Variants in CSMD1 observed in about 807,000 individuals in gnomAD.
CSMD1 encodes CUB and Sushi multiple domains 1.
Under a neutral mutation model 417.5 loss-of-function variants are expected in CSMD1, and 213 were observed. The observed-to-expected ratio is 0.51, with a 90% CI of 0.46 to 0.57. The LOEUF (loss-of-function observed/expected upper bound fraction) is 0.57, where lower values mean the gene tolerates loss of function less well. CSMD1 is among the 20% of genes least tolerant of loss of function. The pLI, the probability that CSMD1 is intolerant of heterozygous loss-of-function variation, is 0.00. For synonymous variants in CSMD1, 2,862 were observed against 1,736.8 expected, an observed-to-expected ratio of 1.65 and a Z score of -16.11; for missense variants, 6,923 against 4,529.7, an observed-to-expected ratio of 1.53 and a Z score of -15.17.
At chr8:3,934,661 C>A (rs752827663) in intron 5 of CSMD1, among the ~76,000 whole-genome samples, 1 of 152,012 alleles carries the variant, frequency 6.6e-6, no homozygotes, top group African/African-American at 2.4e-5. Flanking sequence ...CGAGACCAGC[C>A]TGGCCAACAT....
chr8:4,513,785 G>T (rs1052651159), intron 2 of CSMD1, among the ~76,000 whole-genome samples: 1 of 152,176 alleles, frequency 6.6e-6, no homozygotes, highest in African/African-American at 2.4e-5. Flanking sequence ...TATTCCTTAT[G>T]TACAGCTGGG....
chr8:4,154,995 A>T (rs901858604), intron 3 of CSMD1, among the ~76,000 whole-genome samples: 2 of 152,178 alleles, frequency 1.3e-5, no homozygotes, highest in African/African-American at 4.8e-5. Context: ...CAGAAACACG[A>T]CTGCAAGTTT....
At chr8:3,424,066 G>C (rs1351489632) in intron 12 of CSMD1, among the ~76,000 whole-genome samples, 3 of 151,972 alleles carry the variant, frequency 2.0e-5, no homozygotes, top group African/African-American at 2.4e-5. Flanking sequence ...AAAATTATTT[G>C]TTTTATGTTC....
chr8:3,231,468 G>C (rs1246555309), intron 26 of CSMD1, among the ~76,000 whole-genome samples: 2 of 152,046 alleles, frequency 1.3e-5, no homozygotes. Context: ...TTTGCGTTTT[G>C]TTTTGTAAAT....
At chr8:2,982,916 C>T (rs1805547823) in intron 54 of CSMD1, among the ~76,000 whole-genome samples, 1 of 152,138 alleles carries the variant, frequency 6.6e-6, no homozygotes, top group South Asian at 2.1e-4. Flanking sequence ...TGGCTCTAAG[C>T]TGAAGGGCAG....
At chr8:4,660,114 C>CAAAA (rs33982434) in intron 1 of CSMD1, among the ~76,000 whole-genome samples, 3 of 122,852 alleles carry the variant, frequency 2.4e-5, no homozygotes, top group Admixed American at 8.1e-5. Context: ...TCAACCAGTG[C>CAAAA]AAAAAAAAAA....
chr8:4,089,667 G>C (rs1487733899), intron 3 of CSMD1, among the ~76,000 whole-genome samples: 2 of 152,178 alleles, frequency 1.3e-5, no homozygotes, highest in African/African-American at 4.8e-5. Flanking sequence ...AATGGGCTTA[G>C]TAAAGTGCTT....
chr8:4,610,842 G>C (rs909944096), intron 2 of CSMD1, among the ~76,000 whole-genome samples: 1 of 152,174 alleles, frequency 6.6e-6, no homozygotes, highest in Non-Finnish European at 1.5e-5. Flanking sequence ...ACAACTGCAT[G>C]TGTGGCGAAA....
At chr8:3,692,203 C>G (rs199588479) in intron 7 of CSMD1, among the ~76,000 whole-genome samples, 1 of 152,218 alleles carries the variant, frequency 6.6e-6, no homozygotes, top group East Asian at 1.9e-4. Flanking sequence ...TGTTATGCCC[C>G]ATACACCTCA....
intron 23 of CSMD1, among the ~76,000 whole-genome samples, chr8:3,327,893 T>C (rs562339136): frequency 6.6e-6 from 1 of 152,184 alleles, no homozygotes; most frequent in Non-Finnish European, 1.5e-5. Flanking sequence ...ATATTCACTG[T>C]GACCCGGATC....
intron 3 of CSMD1, among the ~76,000 whole-genome samples, chr8:4,149,045 C>A (rs980765002): frequency 6.6e-6 from 1 of 151,656 alleles, no homozygotes; most frequent in Non-Finnish European, 1.5e-5. Context: ...CTCACTGCAA[C>A]CTCCACCTCC....
chr8:4,069,920 T>G (rs933948095), intron 3 of CSMD1, among the ~76,000 whole-genome samples: 1 of 152,204 alleles, frequency 6.6e-6, no homozygotes, highest in South Asian at 2.1e-4. Context: ...TTTTACCACT[T>G]TGTATAAAAT....
chr8:4,118,299 G>A (rs371073245), intron 3 of CSMD1, among the ~76,000 whole-genome samples: 1 of 151,910 alleles, frequency 6.6e-6, no homozygotes, highest in Non-Finnish European at 1.5e-5. Flanking sequence ...AGTTCGACCT[G>A]TATGGATGTT....
chr8:3,963,657 G>A (rs1444354680), intron 5 of CSMD1, among the ~76,000 whole-genome samples: 1 of 152,116 alleles, frequency 6.6e-6, no homozygotes, highest in African/African-American at 2.4e-5. Context: ...AAAGCTATGT[G>A]CGTATGATTT....
chr8:4,882,381 G>T (rs1455222083), intron 1 of CSMD1, among the ~76,000 whole-genome samples: 1 of 151,778 alleles, frequency 6.6e-6, no homozygotes, highest in Non-Finnish European at 1.5e-5. Context: ...GAGGGAAATT[G>T]AAGAGTATTG....
At chr8:3,294,235 T>TG (rs35404198) in intron 25 of CSMD1, among the ~76,000 whole-genome samples, 74,934 of 151,964 alleles carry the variant, frequency 0.49, 20,841 homozygotes, top group South Asian at 0.64. Flanking sequence ...TGGCCCCTAC[T>TG]GGGGGGTGCC....
chr8:4,934,329 C>A (rs1253424774), intron 1 of CSMD1, among the ~76,000 whole-genome samples: 3 of 152,150 alleles, frequency 2.0e-5, no homozygotes, highest in African/African-American at 7.2e-5. Flanking sequence ...TGTTTTGCAG[C>A]CCTATGTATT....
At chr8:3,665,755 T>TG (rs199788366) in intron 7 of CSMD1, among the ~76,000 whole-genome samples, 1 of 152,042 alleles carries the variant, frequency 6.6e-6, no homozygotes, top group Non-Finnish European at 1.5e-5. Flanking sequence ...TAGGAAGGTG[T>TG]TTATCCAAGG....
At chr8:4,160,102 AG>A (rs1797063108) in intron 3 of CSMD1, among the ~76,000 whole-genome samples, 1 of 11,648 alleles carries the variant, frequency 8.6e-5, no homozygotes, top group African/African-American at 1.8e-4. Context: ...AAAAAGAAAA[AG>A]CACTGAGGAC....
Sources: gnomAD v4.1 joint callset for allele counts (sites outside exome capture counted in the v4.1 genomes callset) on GRCh38, gnomAD v4.1.1 for gene constraint, MANE v1.5 for transcripts, NCBI Gene and HGNC (gene_info 2026-07-23, HGNC 2026-07-21) for gene names.